YAP1: variants seen among roughly 807,000 people sequenced by gnomAD.
The protein encoded by YAP1 is Yes1 associated transcriptional regulator, also known as transcriptional coactivator YAP1.
YAP1 carries 5 observed loss-of-function variants against 56.9 expected under a neutral mutation model. The ratio of observed to expected loss-of-function variants is 0.09; its 90% CI spans 0.05 to 0.18. YAP1 has a LOEUF of 0.18. YAP1 is among the 10% of genes least tolerant of loss of function. The pLI, the probability that YAP1 is intolerant of heterozygous loss-of-function variation, is 1.00. For missense variants in YAP1, 539 were observed against 651.8 expected, an observed-to-expected ratio of 0.83 and a Z score of 1.88; for synonymous variants, 265 against 248.1, an observed-to-expected ratio of 1.07 and a Z score of -0.64.
intron 4 of YAP1, among the ~76,000 whole-genome samples, chr11:102,195,839 T>C (rs560556333): frequency 6.6e-6 from 1 of 152,252 alleles, no homozygotes; most frequent in South Asian, 2.1e-4. Context: ...ACTAATACAG[T>C]AAATTGGTAC....
chr11:102,225,430 A>G (rs1331222415), intron 7 of YAP1, among the ~76,000 whole-genome samples: 1 of 152,246 alleles, frequency 6.6e-6, no homozygotes, highest in Non-Finnish European at 1.5e-5. Flanking sequence ...GGTTGCGGTG[A>G]GCCGAGATCA....
chr11:102,136,765 G>A (rs770834569), intron 2 of YAP1, among the ~76,000 whole-genome samples: 4 of 152,074 alleles, frequency 2.6e-5, no homozygotes, highest in Non-Finnish European at 5.9e-5. Flanking sequence ...GTTTTCCTAG[G>A]ACGATTTACT....
chr11:102,186,708 C>T (rs1191340797), intron 4 of YAP1: 1 of 153,346 alleles, frequency 6.5e-6, no homozygotes, highest in African/African-American at 2.4e-5. Flanking sequence ...GCCATATTCC[C>T]CTCCAGATCT....
At chr11:102,152,179 G>A (rs1165790046) in intron 2 of YAP1, among the ~76,000 whole-genome samples, 1 of 152,210 alleles carries the variant, frequency 6.6e-6, no homozygotes, top group Non-Finnish European at 1.5e-5. Flanking sequence ...TTGATGGCCT[G>A]GATAAGTGAA....
chr11:102,114,978 G>A (rs1943189367), intron 2 of YAP1, among the ~76,000 whole-genome samples: 2 of 152,118 alleles, frequency 1.3e-5, no homozygotes, highest in African/African-American at 2.4e-5. Flanking sequence ...ATATGCAGTC[G>A]CTCAGTGGCA....
rs139926954 is a variant in YAP1 at position 102,206,027 on chromosome 11, A to G, written c.937A>G (p.Met313Val). 14 of 1,614,076 alleles carry G rather than the reference A, an allele frequency of 8.7e-6. No homozygotes were observed. The African/African-American group carries it at 1.5e-4, about 17-fold the overall frequency. Residue 313 changes from methionine (M) to valine (V), a missense_variant, in exon 5 of 9, where the codon ATG (methionine) becomes GTG (valine). By Grantham distance (21) the Met-to-Val change is conservative. This residue lies in a region of YAP1 where 414 missense variants were observed against 512.4 expected (regional missense o/e 0.81). Transcript: ENST00000282441. Reference sequence around the variant, plus strand: ...ACAGATGCGACTGCAGCAACTGCAGATGGAGAAGGAGAGGCTGCGGCTGAA... The same window carrying G: ...ACAGATGCGACTGCAGCAACTGCAGGTGGAGAAGGAGAGGCTGCGGCTGAA... ...QQQMRLQQLQ[M>V]EKERLRLKQQ...
At chr11:102,114,757 C>T (rs1943171256) in intron 2 of YAP1, among the ~76,000 whole-genome samples, 1 of 152,134 alleles carries the variant, frequency 6.6e-6, no homozygotes, top group Non-Finnish European at 1.5e-5. Flanking sequence ...ACAGGGCTAG[C>T]AGCGTCTTAC....
At chr11:102,211,544 A>G (rs1949403788) in intron 6 of YAP1, among the ~76,000 whole-genome samples, 1 of 152,196 alleles carries the variant, frequency 6.6e-6, no homozygotes, top group South Asian at 2.1e-4. Context: ...AGTTATCAGT[A>G]AATGTATGAA....
chr11:102,202,223 G>A lies in YAP1; in HGVS notation c.803-3670G>A, dbSNP rs539602187. 1.7e-3 allele frequency among the ~76,000 whole-genome samples: 263 copies of A among 151,610 alleles called. 1 individual carries two copies. Among genetic ancestry groups the A allele is most frequent in the African/African-American group, 5.9e-3 (245 of 41,320 alleles). ...CGCCCAGGCTGGAGTGCAGTGGCGCGGTCTTGGCTCAGTGCAACCTCTGTC... is the reference window on the plus strand; with the variant it reads ...CGCCCAGGCTGGAGTGCAGTGGCGCAGTCTTGGCTCAGTGCAACCTCTGTC... On this transcript the variant is annotated intron_variant, in intron 4 of 8. Coordinates refer to ENST00000282441, the MANE Select transcript of YAP1 (RefSeq NM_001130145.3).
chr11:102,223,719 TGAC>T lies in YAP1; in HGVS notation c.1134_1136del (p.Thr379del). ...GGGATGTCTCAGGAATTGAGAACAA[TGAC>T]GACCAATAGCTCAGATCCTTTCCTT... On this transcript the variant is annotated inframe_deletion, in exon 7 of 9. Coordinates refer to ENST00000282441, the MANE Select transcript of YAP1 (RefSeq NM_001130145.3). 3 of 1,614,154 alleles carry T rather than the reference TGAC, an allele frequency of 1.9e-6. No homozygotes were observed. The highest frequency in any genetic ancestry group is 2.5e-6 in the Non-Finnish European group (3 of 1,180,010).
At chr11:102,183,653 T>C (rs1239423231) in intron 3 of YAP1, among the ~76,000 whole-genome samples, 1 of 151,702 alleles carries the variant, frequency 6.6e-6, no homozygotes, top group African/African-American at 2.4e-5. Flanking sequence ...ATCCTAGGTA[T>C]CTCTTGTGGC....
intron 2 of YAP1, among the ~76,000 whole-genome samples, chr11:102,149,431 G>A (rs1023241937): frequency 1.3e-5 from 2 of 152,190 alleles, no homozygotes; most frequent in African/African-American, 4.8e-5. Flanking sequence ...GGTTCAAAAT[G>A]AATGTTAAGC....
At chr11:102,185,406 A>T (rs1051418274) in intron 3 of YAP1, among the ~76,000 whole-genome samples, 1 of 152,186 alleles carries the variant, frequency 6.6e-6, no homozygotes, top group African/African-American at 2.4e-5. Context: ...CAACAAGCTT[A>T]AACTTCAAAT....
rs562786052 is a variant in YAP1 at position 102,202,165 on chromosome 11, A to AT, written c.803-3716dup. 8.0e-4 allele frequency among the ~76,000 whole-genome samples: 118 copies of AT among 146,986 alleles called. 1 individual carries two copies. The South Asian group carries it at 8.9e-3, about 11-fold the overall frequency. ...GTAGCAGAGTATCAGAATTATTATTATTTTTTTTTTTTGAGATGGAGTCTC... is the reference window on the plus strand; with the variant it reads ...GTAGCAGAGTATCAGAATTATTATTATTTTTTTTTTTTTGAGATGGAGTCTC... On this transcript the variant is annotated intron_variant, in intron 4 of 8. Transcript: ENST00000282441.
chr11:102,191,523 A>G (rs1013697656), intron 4 of YAP1, among the ~76,000 whole-genome samples: 5 of 152,230 alleles, frequency 3.3e-5, no homozygotes, highest in African/African-American at 1.2e-4. Context: ...TTTAGATTCA[A>G]TGCAGTTAAT....
intron 7 of YAP1, among the ~76,000 whole-genome samples, chr11:102,224,595 A>C (rs1341412389): frequency 6.6e-6 from 1 of 152,208 alleles, no homozygotes; most frequent in African/African-American, 2.4e-5. Flanking sequence ...CACCAATTGA[A>C]TTGGAAACTT....
At chr11:102,114,791 A>G (rs1565418047) in intron 2 of YAP1, among the ~76,000 whole-genome samples, 1 of 152,202 alleles carries the variant, frequency 6.6e-6, no homozygotes, top group African/African-American at 2.4e-5. Context: ...TGCTACTTGT[A>G]TCTTTTTAAA....
At position 102,117,401 on chromosome 11, in the gene YAP1, T is replaced by C. The variant is rs1834597; in HGVS notation, c.572+3007T>C. 6.8e-3 allele frequency among the ~76,000 whole-genome samples: 1,035 copies of C among 152,356 alleles called. 51 individuals carry two copies. The highest frequency in any genetic ancestry group is 0.063 in the Admixed American group (957 of 15,306). The stretch of plus-strand genomic sequence containing the variant: ...GAACTGACTTTTAAGTTACAAAGTC[T>C]ATAACTTATTGAGATTTATATTTGG... On this transcript the variant is annotated intron_variant, in intron 2 of 8. Coordinates refer to ENST00000282441, the MANE Select transcript of YAP1 (RefSeq NM_001130145.3).
chr11:102,126,368 A>C (rs528518508), intron 2 of YAP1, among the ~76,000 whole-genome samples: 42 of 152,284 alleles, frequency 2.8e-4, no homozygotes, highest in Non-Finnish European at 2.6e-4. Context: ...CAGAATTCCT[A>C]CATGTTGTGG....
Sources: allele counts gnomAD v4.1 joint callset (sites outside exome capture counted in the v4.1 genomes callset), GRCh38; gene constraint gnomAD v4.1.1; regional missense constraint gnomAD v4.1.1; transcripts MANE v1.5; gene names NCBI Gene and HGNC (gene_info 2026-07-23, HGNC 2026-07-21).